The following IL17RD variants were observed in gnomAD, a reference collection of about 807,000 sequenced individuals.
The protein encoded by IL17RD is interleukin-17 receptor D.
Under a neutral mutation model 80.5 loss-of-function variants are expected in IL17RD, and 52 were observed. The ratio of observed to expected loss-of-function variants is 0.65; its 90% CI spans 0.52 to 0.81. IL17RD has a LOEUF of 0.81. IL17RD is among the 40% of genes least tolerant of loss of function. The probability of loss-of-function intolerance (pLI) is 0.00; values close to 1 mark genes in which losing one functional copy is unlikely to be tolerated. For missense variants in IL17RD, 1,024 were observed against 955.1 expected (o/e 1.07, Z -0.95); for synonymous variants, 416 against 391.8 (o/e 1.06, Z -0.73).
chr3:57,141,723 T>C (rs1272692016), intron 1 of IL17RD, among the ~76,000 whole-genome samples: 3 of 152,194 alleles, frequency 2.0e-5, no homozygotes, highest in African/African-American at 4.8e-5. Flanking sequence ...ATTCTCCCCA[T>C]ACTAGAACAC....
intron 1 of IL17RD, among the ~76,000 whole-genome samples, chr3:57,143,802 G>A (rs541321609): frequency 2.2e-4 from 33 of 152,292 alleles, no homozygotes; most frequent in African/African-American, 6.0e-4. Flanking sequence ...AGACACACCC[G>A]GCTTTTCTGA....
intron 1 of IL17RD, among the ~76,000 whole-genome samples, chr3:57,152,815 C>T (rs774843505): frequency 1.3e-5 from 2 of 152,152 alleles, no homozygotes; most frequent in Non-Finnish European, 2.9e-5. Flanking sequence ...AGGCTAGAAA[C>T]TGACTTGGAG....
At chr3:57,108,221 G>C (rs1032517555) in intron 5 of IL17RD, among the ~76,000 whole-genome samples, 1 of 151,828 alleles carries the variant, frequency 6.6e-6, no homozygotes, top group East Asian at 2.0e-4. Context: ...CACCACACCC[G>C]GCTAATTTTT....
intron 1 of IL17RD, among the ~76,000 whole-genome samples, chr3:57,158,492 C>T (rs1408433673): frequency 1.3e-5 from 2 of 152,220 alleles, no homozygotes; most frequent in African/African-American, 4.8e-5. Flanking sequence ...TGTGTGTTCA[C>T]ATCACATCTT....
chr3:57,164,976 G>A, intron 1 of IL17RD, 185 bp downstream of exon 1: 3 of 1,329,778 alleles, frequency 2.3e-6, no homozygotes, highest in Non-Finnish European at 2.9e-6. Context: ...ATCTCGGCCA[G>A]GGCCGGAGGA....
chr3:57,129,587 G>A (rs1288106827), intron 1 of IL17RD, among the ~76,000 whole-genome samples: 1 of 152,180 alleles, frequency 6.6e-6, no homozygotes, highest in Non-Finnish European at 1.5e-5. Context: ...GGGGGATTGT[G>A]ACGTTGCCAT....
At chr3:57,149,205 A>G (rs761619311) in intron 1 of IL17RD, among the ~76,000 whole-genome samples, 46 of 151,948 alleles carry the variant, frequency 3.0e-4, no homozygotes, top group Non-Finnish European at 4.9e-4. Flanking sequence ...CTGAGGCAGG[A>G]GAATCGCTTG....
rs112782451 is a variant in IL17RD, at chr3:57,142,528, G to A, written c.127-22215C>T. On this transcript the variant is annotated intron_variant, in intron 1 of 12. Transcript: ENST00000296318. Reference sequence around the variant, plus strand: ...GCATCCCTCCCCCTCCAACCGCCCCGTCTGACCTCCCCCACTCCGGCCTCC... The same window carrying A: ...GCATCCCTCCCCCTCCAACCGCCCCATCTGACCTCCCCCACTCCGGCCTCC... The A allele has an allele frequency of 2.4e-3, 3,028 of 1,285,064 alleles. 71 individuals carry two copies. The African/African-American group carries it at 0.041, about 17-fold the overall frequency. 79.6% of individuals were successfully genotyped at this position (1,285,064 alleles called of 1,614,324 possible).
intron 2 of IL17RD, among the ~76,000 whole-genome samples, chr3:57,119,795 C>T (rs1308697219): frequency 6.6e-6 from 1 of 152,200 alleles, no homozygotes; most frequent in Admixed American, 6.5e-5. Context: ...TCTCACTATT[C>T]TTGGAAATCA....
intron 2 of IL17RD, among the ~76,000 whole-genome samples, chr3:57,117,054 G>A (rs1379041332): frequency 6.6e-6 from 1 of 151,578 alleles, no homozygotes; most frequent in African/African-American, 2.4e-5. Flanking sequence ...CATTCCTAAT[G>A]CCAAAATTAA....
At position 57,091,256 on chromosome 3, in the gene IL17RD, C is replaced by G. The variant is rs1195770932; in HGVS notation, c.*5137G>C. The G allele has an allele frequency of 6.6e-6, 1 of 152,492 alleles. No individual in the cohort carries two copies. Among genetic ancestry groups the G allele is most frequent in the East Asian group, 1.9e-4 (1 of 5,204 alleles). 9.4% of individuals were successfully genotyped at this position (152,492 alleles called of 1,614,324 possible). On this transcript the variant is annotated 3_prime_UTR_variant, in exon 13 of 13. Coordinates refer to ENST00000296318, the MANE Select transcript of IL17RD (RefSeq NM_017563.5). ...CCACTCAGAAGGTAAGAGCTGGTCTCAGAGTATACATCAGGAATAAGCACC... is the reference window on the plus strand; with the variant it reads ...CCACTCAGAAGGTAAGAGCTGGTCTGAGAGTATACATCAGGAATAAGCACC...
At chr3:57,115,633 A>T (rs1707199681) in intron 2 of IL17RD, among the ~76,000 whole-genome samples, 1 of 152,180 alleles carries the variant, frequency 6.6e-6, no homozygotes, top group Admixed American at 6.5e-5. Flanking sequence ...TCAGGCTGCG[A>T]CTTCAGAGAA....
intron 2 of IL17RD, among the ~76,000 whole-genome samples, chr3:57,119,580 G>A (rs1007743846): frequency 6.6e-6 from 1 of 152,236 alleles, no homozygotes; most frequent in Non-Finnish European, 1.5e-5. Context: ...GGGGTACTGC[G>A]GTTGGTGCCC....
intron 1 of IL17RD, among the ~76,000 whole-genome samples, chr3:57,149,855 C>T (rs1184232241): frequency 6.6e-6 from 1 of 152,250 alleles, no homozygotes; most frequent in Non-Finnish European, 1.5e-5. Context: ...GCCATCTCAA[C>T]TGACACCTAG....
In IL17RD at chr3:57,101,175, G is replaced by A. The variant is rs376371695; in HGVS notation, c.1164+4C>T. On this transcript the variant is annotated splice_donor_region_variant and intron_variant, in intron 11 of 12. Transcript: ENST00000296318. ...GGTAGGAGAAGGAACTTTAGATTCC[G>A]CACCTCACAGCCACAGAAGTCCTGG... is the stretch of plus-strand genomic sequence containing the variant. The A allele has an allele frequency of 8.1e-6, 13 of 1,611,842 alleles. No homozygotes were observed. The highest frequency in any genetic ancestry group is 3.3e-5 in the South Asian group (3 of 90,832).
chr3:57,146,440 T>G (rs1579311251), intron 1 of IL17RD, among the ~76,000 whole-genome samples: 2 of 151,932 alleles, frequency 1.3e-5, no homozygotes, highest in East Asian at 3.9e-4. Flanking sequence ...ACCACCAAAA[T>G]AACAAAGGTA....
chr3:57,098,410 G>C lies in IL17RD; in HGVS notation c.1293C>G (p.Asp431Glu), dbSNP rs762421578. 6.2e-7 allele frequency: 1 copy of C among 1,613,952 alleles called. No homozygotes were observed. The highest frequency in any genetic ancestry group is 8.5e-7 in the Non-Finnish European group (1 of 1,179,870). Residue 431 changes from aspartate to glutamate, a missense_variant, in exon 12 of 13, where the codon GAC (aspartate) becomes GAG (glutamate). Physicochemically the swap from Asp to Glu is conservative, Grantham distance 45. Transcript: ENST00000296318. ...VCSKGMKYFV[D>E]KKNYKHKGGG... ...CTCCTTTGTGTTTGTAGTTCTTCTT[G>C]TCCACAAAGTACTTCATACCTTTGG...
chr3:57,113,271 CTTG>C (rs1414557783), intron 3 of IL17RD, among the ~76,000 whole-genome samples: 1 of 152,282 alleles, frequency 6.6e-6, no homozygotes, highest in South Asian at 2.1e-4. Context: ...GAGTTTCCCT[CTTG>C]TTGTCCAGGC....
At chr3:57,117,113 A>ATTTTTTT (rs11422909) in intron 2 of IL17RD, among the ~76,000 whole-genome samples, 1 of 136,140 alleles carries the variant, frequency 7.3e-6, no homozygotes, top group African/African-American at 2.7e-5. Context: ...AAGTTTAAGA[A>ATTTTTTT]TTTTTTTTTT....
Sources: allele counts gnomAD v4.1 joint callset (sites outside exome capture counted in the v4.1 genomes callset), GRCh38; gene constraint gnomAD v4.1.1; transcripts MANE v1.5; gene names NCBI Gene and HGNC (gene_info 2026-07-23, HGNC 2026-07-21).